The following ZBTB20 variants were observed in gnomAD, a reference collection of about 807,000 sequenced individuals.
ZBTB20 encodes zinc finger and BTB domain-containing protein 20.
ZBTB20 carries 9 observed loss-of-function variants against 56.9 expected under a neutral mutation model. That is an observed-to-expected ratio of 0.16 (90% CI 0.10 to 0.28). The LOEUF (loss-of-function observed/expected upper bound fraction) is 0.28. Among genes scored for constraint, ZBTB20 ranks in the 10% least tolerant of loss-of-function variants. The pLI, the probability that ZBTB20 is intolerant of heterozygous loss-of-function variation, is 1.00. For synonymous variants in ZBTB20, 417 were observed against 420.7 expected (o/e 0.99, Z 0.11); for missense variants, 655 against 1,003.0 (o/e 0.65, Z 4.69).
Position 114,467,968 on chromosome 3 carries a change from G to A in ZBTB20, c.-255+32384C>T, listed in dbSNP as rs185457851. On this transcript the variant is annotated intron_variant, in intron 7 of 11. Transcript: ENST00000675478. Reference sequence around the variant, plus strand: ...TTCCTATGGTTGGCAAAAAGCTGACGCCTTTGTGATGATGAGTTTCAGTCC... The same window carrying A: ...TTCCTATGGTTGGCAAAAAGCTGACACCTTTGTGATGATGAGTTTCAGTCC... Among the ~76,000 whole-genome samples, 287 of 152,274 alleles carry A rather than the reference G, an allele frequency of 1.9e-3. 4 individuals carry two copies. The highest frequency in any genetic ancestry group is 6.4e-3 in the African/African-American group (268 of 41,562).
chr3:114,601,437 G>GTTTGCCCATATTCCCATATCCGTCC (rs2056753640), intron 6 of ZBTB20, among the ~76,000 whole-genome samples: 1 of 151,896 alleles, frequency 6.6e-6, no homozygotes, highest in Admixed American at 6.6e-5. Flanking sequence ...CTATTTCACT[G>GTTTGCCCATATTCCCATATCCGTCC]TTTGCCCATA....
intron 1 of ZBTB20, among the ~76,000 whole-genome samples, chr3:115,110,707 G>A (rs576334448): frequency 1.9e-4 from 29 of 152,064 alleles, no homozygotes; most frequent in Middle Eastern, 6.8e-3. Flanking sequence ...AAACAAATCC[G>A]GCCAGGTGTG....
At chr3:114,799,837 A>G (rs2071588366) in intron 5 of ZBTB20, among the ~76,000 whole-genome samples, 1 of 151,934 alleles carries the variant, frequency 6.6e-6, no homozygotes, top group Admixed American at 6.6e-5. Flanking sequence ...CTGTCCGTGC[A>G]TCATCGCTTA....
intron 11 of ZBTB20, among the ~76,000 whole-genome samples, chr3:114,340,547 A>G (rs919179782): frequency 6.6e-6 from 1 of 152,134 alleles, no homozygotes; most frequent in Non-Finnish European, 1.5e-5. Context: ...AAATAATAAT[A>G]CTCAGTGCAT....
intron 5 of ZBTB20, among the ~76,000 whole-genome samples, chr3:114,708,811 C>T (rs2063872737): frequency 1.3e-5 from 2 of 152,042 alleles, no homozygotes; most frequent in African/African-American, 2.4e-5. Flanking sequence ...TGCAAAAAGA[C>T]CAGAAAACAC....
intron 6 of ZBTB20, chr3:114,624,289 G>C (rs2058514701): frequency 6.6e-6 from 1 of 151,308 alleles, no homozygotes; most frequent in African/African-American, 2.4e-5. Flanking sequence ...AAAATCACTG[G>C]AGCCTCTTAC....
intron 10 of ZBTB20, among the ~76,000 whole-genome samples, chr3:114,376,770 G>A (rs980579109): frequency 6.6e-6 from 1 of 152,200 alleles, no homozygotes; most frequent in African/African-American, 2.4e-5. Context: ...GAGACAGTCT[G>A]ATGAGGCCGG....
chr3:114,559,630 C>A (rs987750592), intron 6 of ZBTB20, among the ~76,000 whole-genome samples: 2 of 152,152 alleles, frequency 1.3e-5, no homozygotes, highest in African/African-American at 4.8e-5. Context: ...TTAAGCAATA[C>A]CATTCTGAAA....
At chr3:114,737,460 T>G (rs184904704) in intron 5 of ZBTB20, among the ~76,000 whole-genome samples, 15 of 152,186 alleles carry the variant, frequency 9.9e-5, no homozygotes, top group African/African-American at 2.9e-4. Context: ...CAAACCCAAC[T>G]GAAATGGAAC....
rs1282930817 is a variant in ZBTB20, at chr3:114,708,241, G to A, written c.-342-14666C>T. Among the ~76,000 whole-genome samples, 4 of 152,232 alleles carry A rather than the reference G, an allele frequency of 2.6e-5. No individual in the cohort carries two copies. The East Asian group carries it at 7.7e-4, about 29-fold the overall frequency. On this transcript the variant is annotated intron_variant, in intron 5 of 11. Coordinates refer to ENST00000675478, the MANE Select transcript of ZBTB20 (RefSeq NM_001348800.3). ...TCTAAGTGTTAACCTTAAGGTAAGAGTTAAATTAAGTCTGCTATAACTGGT... is the reference window on the plus strand; with the variant it reads ...TCTAAGTGTTAACCTTAAGGTAAGAATTAAATTAAGTCTGCTATAACTGGT...
intron 3 of ZBTB20, among the ~76,000 whole-genome samples, chr3:114,952,594 G>GAA (rs35864191): frequency 5.7e-4 from 80 of 140,824 alleles, no homozygotes; most frequent in African/African-American, 1.4e-3. Context: ...ACCCCAAACA[G>GAA]AAAAAAAAAA....
chr3:114,731,048 CTT>C (rs2108540402), intron 5 of ZBTB20, among the ~76,000 whole-genome samples: 1 of 152,226 alleles, frequency 6.6e-6, no homozygotes, highest in African/African-American at 2.4e-5. Flanking sequence ...TTCATATTGA[CTT>C]GAGTATTTTA....
At chr3:114,903,007 A>C (rs931380409) in intron 3 of ZBTB20, among the ~76,000 whole-genome samples, 1 of 152,134 alleles carries the variant, frequency 6.6e-6, no homozygotes, top group African/African-American at 2.4e-5. Context: ...GATTATTCCA[A>C]TGTGAGGTCA....
chr3:114,436,715 A>C (rs2108928249), intron 7 of ZBTB20, among the ~76,000 whole-genome samples: 1 of 152,294 alleles, frequency 6.6e-6, no homozygotes, highest in Non-Finnish European at 1.5e-5. Flanking sequence ...TCTTTCCTCC[A>C]GGAACAAAGT....
rs546361536 is a variant in ZBTB20 at position 114,862,231 on chromosome 3, G to A, written c.-417+38073C>T. Among the ~76,000 whole-genome samples, 8 of 152,250 alleles carry A rather than the reference G, an allele frequency of 5.3e-5. No homozygotes were observed. The South Asian group carries it at 1.7e-3, about 32-fold the overall frequency. ...CTAAGTTCTGCTGTGTTCTCTTTGT[G>A]AATTAGAATATTATCATATCTTCAT... On this transcript the variant is annotated intron_variant, in intron 4 of 11. Coordinates refer to ENST00000675478, the MANE Select transcript of ZBTB20 (RefSeq NM_001348800.3).
At chr3:114,872,401 G>C (rs2076047993) in intron 4 of ZBTB20, among the ~76,000 whole-genome samples, 1 of 152,106 alleles carries the variant, frequency 6.6e-6, no homozygotes, top group Admixed American at 6.6e-5. Context: ...TTGTAACCAA[G>C]ATTATGTTAC....
intron 6 of ZBTB20, among the ~76,000 whole-genome samples, chr3:114,523,157 C>T (rs1247265743): frequency 2.6e-5 from 4 of 152,098 alleles, no homozygotes; most frequent in East Asian, 3.9e-4. Flanking sequence ...GAACGCCAAG[C>T]GAAGAAAGTG....
intron 6 of ZBTB20, among the ~76,000 whole-genome samples, chr3:114,640,179 G>T (rs1578113847): frequency 6.6e-6 from 1 of 151,984 alleles, no homozygotes; most frequent in African/African-American, 2.4e-5. Flanking sequence ...TTTACTGGGG[G>T]ATATTGCATA....
rs2108205630 is a variant in ZBTB20, at chr3:114,350,920, C to T, written c.1158G>A (p.Glu386=). The T allele has an allele frequency of 6.2e-7, 1 of 1,606,028 alleles. No individual in the cohort carries two copies. The highest frequency in any genetic ancestry group is 8.5e-7 in the Non-Finnish European group (1 of 1,179,912). Residue 386 remains glutamate (E), a synonymous_variant, in exon 11 of 12, where the codon GAG becomes GAA. Transcript: ENST00000675478. ...CAAACTGCTGCTCCACCGAGTCAGG[C>T]TCGGTGCCTATGGAGGAGCTGACGC... The part of the protein sequence containing the change: ...DSGVSSSIGT[E]PDSVEQQFGP...
Sources: allele counts gnomAD v4.1 joint callset (sites outside exome capture counted in the v4.1 genomes callset), GRCh38; gene constraint gnomAD v4.1.1; transcripts MANE v1.5; gene names NCBI Gene and HGNC (gene_info 2026-07-23, HGNC 2026-07-21).